The following DCAF6 variants were observed in gnomAD, a reference collection of about 807,000 sequenced individuals.
DCAF6 encodes the protein DDB1- and CUL4-associated factor 6.
Under a neutral mutation model 125.1 loss-of-function variants are expected in DCAF6, and 54 were observed. The observed-to-expected ratio is 0.43, with a 90% CI of 0.35 to 0.54. The LOEUF (loss-of-function observed/expected upper bound fraction) is 0.54, where lower values mean the gene tolerates loss of function less well. DCAF6 is among the 20% of genes least tolerant of loss of function. DCAF6 has a pLI of 0.01. For synonymous variants in DCAF6, 371 were observed against 390.4 expected (o/e 0.95, Z 0.58); for missense variants, 934 against 1,161.7 (o/e 0.80, Z 2.85).
the DCAF6 span, among the ~76,000 whole-genome samples, chr1:167,869,694 CCT>C: frequency 6.6e-6 from 1 of 152,164 alleles, no homozygotes; most frequent in Non-Finnish European, 1.5e-5. Context: ...GCTCACAGCC[CCT>C]GTCACGTACC....
intron 16 of DCAF6, among the ~76,000 whole-genome samples, chr1:168,048,803 A>G (rs1001625946): frequency 6.6e-6 from 1 of 152,242 alleles, no homozygotes; most frequent in Non-Finnish European, 1.5e-5. Flanking sequence ...ATGACCATTT[A>G]AAATATTAAC....
At chr1:167,922,995 A>C in the DCAF6 span, among the ~76,000 whole-genome samples, 1 of 152,190 alleles carries the variant, frequency 6.6e-6, no homozygotes, top group African/African-American at 2.4e-5. Context: ...AAAAACAAAG[A>C]TATCTAACAC....
chr1:167,881,668 A>G, the DCAF6 span, among the ~76,000 whole-genome samples: 3 of 152,220 alleles, frequency 2.0e-5, no homozygotes, highest in Non-Finnish European at 4.4e-5. Context: ...CCTCACACAT[A>G]TTACATTATT....
chr1:168,074,839 C>T (rs1205015133), intron 21 of DCAF6, among the ~76,000 whole-genome samples: 4 of 152,150 alleles, frequency 2.6e-5, no homozygotes, highest in Non-Finnish European at 5.9e-5. Flanking sequence ...ACTGTACTCA[C>T]CAGTTTGTAA....
chr1:167,908,047 A>C, the DCAF6 span, among the ~76,000 whole-genome samples: 2 of 152,200 alleles, frequency 1.3e-5, no homozygotes, highest in Admixed American at 1.3e-4. Context: ...ATGATCTAAC[A>C]ATCCCACATC....
chr1:167,958,556 G>GT (rs574410853), intron 2 of DCAF6, among the ~76,000 whole-genome samples: 14 of 152,032 alleles, frequency 9.2e-5, no homozygotes, highest in Middle Eastern at 3.4e-3. Context: ...TTTGTAATAA[G>GT]TTTTTCTAGT....
chr1:167,965,803 T>A (rs918606665), intron 2 of DCAF6, among the ~76,000 whole-genome samples: 1 of 151,946 alleles, frequency 6.6e-6, no homozygotes, highest in Non-Finnish European at 1.5e-5. Context: ...GCCGGCTAAT[T>A]TTTGTATTTT....
chr1:167,986,199 C>T (rs1679983664), intron 4 of DCAF6, among the ~76,000 whole-genome samples: 4 of 151,940 alleles, frequency 2.6e-5, no homozygotes. Context: ...TTTTACATGC[C>T]CCATGCAGGC....
chr1:168,003,478 A>G (rs1003740176), intron 8 of DCAF6, among the ~76,000 whole-genome samples: 4 of 152,194 alleles, frequency 2.6e-5, no homozygotes, highest in African/African-American at 9.6e-5. Context: ...GTACTTGATT[A>G]TAATGCTTTA....
the DCAF6 span, chr1:167,899,535 A>AG: frequency 6.2e-7 from 1 of 1,614,240 alleles, no homozygotes; most frequent in African/African-American, 1.3e-5. Flanking sequence ...GTTCTGGGCA[A>AG]GGCGCACATC....
chr1:167,937,090 T>TG, intron 1 of DCAF6, 82 bp downstream of exon 1: 3 of 1,261,774 alleles, frequency 2.4e-6, no homozygotes, highest in Non-Finnish European at 3.4e-6. Flanking sequence ...CTGTTGGAGG[T>TG]GGGACGGCGT....
At chr1:167,942,098 T>G (rs1049671326) in intron 1 of DCAF6, among the ~76,000 whole-genome samples, 2 of 152,182 alleles carry the variant, frequency 1.3e-5, no homozygotes, top group Admixed American at 1.3e-4. Flanking sequence ...GGAGTTTCGC[T>G]CTTGTCGCCC....
At chr1:168,011,282 A>AT (rs1185363879) in intron 10 of DCAF6, among the ~76,000 whole-genome samples, 2 of 151,538 alleles carry the variant, frequency 1.3e-5, no homozygotes, top group Non-Finnish European at 2.9e-5. Flanking sequence ...TGTCTGGCTA[A>AT]TTTTTTTTGT....
Position 168,004,558 on chromosome 1 carries a change from A to C in DCAF6, c.1143A>C (p.Ser381=), listed in dbSNP as rs1683085224. ...PRGGTSQSDI[S]TLPTVPSSPD... Reference sequence around the variant, plus strand: ...GTGGAACAAGTCAATCAGATATTTCAACTCTTCCTACGGTCCCATCAAGTC... The same window carrying C: ...GTGGAACAAGTCAATCAGATATTTCCACTCTTCCTACGGTCCCATCAAGTC... Residue 381 remains serine (S), a synonymous_variant, in exon 10 of 22, where the codon TCA becomes TCC. Coordinates refer to ENST00000367840, the MANE Select transcript of DCAF6 (RefSeq NM_001198956.2). 1 of 1,612,564 alleles carries C rather than the reference A, an allele frequency of 6.2e-7. No homozygotes were observed. The highest frequency in any genetic ancestry group is 1.3e-5 in the African/African-American group (1 of 74,898).
chr1:167,953,464 C>T (rs1674294387), intron 2 of DCAF6, among the ~76,000 whole-genome samples: 1 of 152,110 alleles, frequency 6.6e-6, no homozygotes, highest in South Asian at 2.1e-4. Flanking sequence ...GCCCCCCTGC[C>T]TTGGCATATT....
At chr1:168,017,495 A>AT (rs1174272991) in intron 11 of DCAF6, among the ~76,000 whole-genome samples, 2 of 152,082 alleles carry the variant, frequency 1.3e-5, no homozygotes, top group African/African-American at 4.8e-5. Flanking sequence ...ACGGATTTGA[A>AT]TTGAAGCAAG....
At chr1:168,004,118 T>G in intron 9 of DCAF6, 129 bp downstream of exon 9, 1 of 1,142,826 alleles carries the variant, frequency 8.8e-7, no homozygotes, top group Non-Finnish European at 1.2e-6. Flanking sequence ...TCTTATTGTG[T>G]GGTGTGAAGT....
chr1:168,001,411 A>G (rs976003589), intron 7 of DCAF6, among the ~76,000 whole-genome samples: 1 of 152,196 alleles, frequency 6.6e-6, no homozygotes, highest in African/African-American at 2.4e-5. Context: ...TATTGATCAT[A>G]TTATTGAACA....
chr1:167,928,957 A>G, the DCAF6 span, among the ~76,000 whole-genome samples: 7 of 152,378 alleles, frequency 4.6e-5, no homozygotes, highest in African/African-American at 1.4e-4. Flanking sequence ...ATTCTTTTAG[A>G]AAAAGAATTA....
Sources: gnomAD v4.1 joint callset for allele counts (sites outside exome capture counted in the v4.1 genomes callset) on GRCh38, gnomAD v4.1.1 for gene constraint, MANE v1.5 for transcripts, NCBI Gene and HGNC (gene_info 2026-07-23, HGNC 2026-07-21) for gene names.